MTCL2: variants seen among roughly 807,000 people sequenced by gnomAD.
MTCL2 encodes microtubule cross-linking factor 2.
the MTCL2 span, among the ~76,000 whole-genome samples, chr20:36,803,477 AC>A: frequency 6.6e-6 from 1 of 151,188 alleles, no homozygotes; most frequent in South Asian, 2.1e-4. Context: ...CCCCCCATTA[AC>A]CCCCATGAGC....
At chr20:36,814,152 G>A in the MTCL2 span, among the ~76,000 whole-genome samples, 1 of 152,020 alleles carries the variant, frequency 6.6e-6, no homozygotes, top group Non-Finnish European at 1.5e-5. Context: ...GATATTTTGG[G>A]TGACTCTGCC....
At chr20:36,799,446 C>T in the MTCL2 span, among the ~76,000 whole-genome samples, 1 of 151,760 alleles carries the variant, frequency 6.6e-6, no homozygotes, top group African/African-American at 2.4e-5. Context: ...GAGCCAAGAT[C>T]GCGCCATTGC....
At chr20:36,777,573 T>C in the MTCL2 span, 2 of 423,376 alleles carry the variant, frequency 4.7e-6, no homozygotes, top group Non-Finnish European at 8.3e-6. Flanking sequence ...TGGACTGCAG[T>C]TGTCCTAGCA....
the MTCL2 span, among the ~76,000 whole-genome samples, chr20:36,844,702 A>G: frequency 2.0e-5 from 3 of 149,522 alleles, no homozygotes; most frequent in Non-Finnish European, 1.5e-5. Flanking sequence ...AAAGTAAAAC[A>G]TGATCATAGA....
the MTCL2 span, chr20:36,802,776 G>A: frequency 6.8e-7 from 1 of 1,480,948 alleles, no homozygotes; most frequent in East Asian, 2.4e-5. Context: ...AGCTATACCT[G>A]AAGGAGTTCC....
At chr20:36,783,646 G>T in the MTCL2 span, 1 of 447,806 alleles carries the variant, frequency 2.2e-6, no homozygotes, top group Non-Finnish European at 3.0e-6. Context: ...GAACGGGTTC[G>T]AGAAGGGCAG....
At chr20:36,783,686 G>A in the MTCL2 span, 1 of 861,962 alleles carries the variant, frequency 1.2e-6, no homozygotes, top group Non-Finnish European at 1.4e-6. Flanking sequence ...AATTCTCCAG[G>A]GAATCCCCAC....
chr20:36,786,570 A>G, the MTCL2 span: 5 of 1,551,124 alleles, frequency 3.2e-6, no homozygotes, highest in Non-Finnish European at 4.4e-6. Context: ...AGAGTGGCGG[A>G]TGGCAGAGCG....
chr20:36,785,851 T>C, the MTCL2 span: 1 of 985,740 alleles, frequency 1.0e-6, no homozygotes, highest in South Asian at 4.7e-5. Flanking sequence ...GGCAGGGAGA[T>C]CCAGGGCTCC....
the MTCL2 span, chr20:36,829,216 T>C: frequency 5.6e-6 from 9 of 1,606,274 alleles, no homozygotes; most frequent in Non-Finnish European, 7.6e-6. Context: ...TAGAGACCTG[T>C]GCAGGGGTGG....
At chr20:36,854,165 C>T in the MTCL2 span, among the ~76,000 whole-genome samples, 1 of 152,148 alleles carries the variant, frequency 6.6e-6, no homozygotes, top group African/African-American at 2.4e-5. Flanking sequence ...CCCAGTCTTG[C>T]CTCTTGCCAC....
the MTCL2 span, chr20:36,863,410 G>T: frequency 9.1e-7 from 1 of 1,102,142 alleles, no homozygotes; most frequent in Non-Finnish European, 1.1e-6. The surrounding 1 kb of genome is among the most constrained non-coding windows in gnomAD (Gnocchi z 6.2). Flanking sequence ...CGACGTCCCT[G>T]GGGAGGGACC....
At chr20:36,853,240 T>C in the MTCL2 span, among the ~76,000 whole-genome samples, 1 of 152,020 alleles carries the variant, frequency 6.6e-6, no homozygotes, top group Non-Finnish European at 1.5e-5. Flanking sequence ...GCCTCTCCAA[T>C]GCCAAGAAAT....
the MTCL2 span, among the ~76,000 whole-genome samples, chr20:36,822,060 C>T: frequency 5.9e-5 from 9 of 152,236 alleles, no homozygotes; most frequent in African/African-American, 1.7e-4. Context: ...TAGGACCTGA[C>T]ACTTCCCCCA....
chr20:36,814,020 A>T, the MTCL2 span, among the ~76,000 whole-genome samples: 3 of 152,070 alleles, frequency 2.0e-5, no homozygotes, highest in African/African-American at 7.2e-5. Flanking sequence ...CATCCCTCTG[A>T]CCTCTGGTCA....
chr20:36,841,874 GGTGTGTGTGTGTGTGTGTGT>G, the MTCL2 span, among the ~76,000 whole-genome samples: 5 of 110,768 alleles, frequency 4.5e-5, no homozygotes, highest in Admixed American at 8.8e-5. Context: ...TGGGGGGTGG[GGTGTGTGTGTGTGTGTGTGT>G]GTGTGTGTGT....
At chr20:36,831,767 G>A in the MTCL2 span, among the ~76,000 whole-genome samples, 1 of 152,198 alleles carries the variant, frequency 6.6e-6, no homozygotes, top group Non-Finnish European at 1.5e-5. Context: ...CTCAGTATCA[G>A]AACAAGGGCT....
chr20:36,854,596 C>T, the MTCL2 span, among the ~76,000 whole-genome samples: 1 of 152,110 alleles, frequency 6.6e-6, no homozygotes, highest in Admixed American at 6.5e-5. Context: ...CAGGACCACA[C>T]AGGCTGCTCC....
chr20:36,854,235 T>C, the MTCL2 span, among the ~76,000 whole-genome samples: 1 of 152,088 alleles, frequency 6.6e-6, no homozygotes, highest in Non-Finnish European at 1.5e-5. Flanking sequence ...GTTTCTCCCT[T>C]TGTAAAAGGA....
Sources: allele counts gnomAD v4.1 joint callset (sites outside exome capture counted in the v4.1 genomes callset), GRCh38; gene constraint gnomAD v4.1.1; non-coding constraint Gnocchi (gnomAD v3.1); transcripts MANE v1.5; gene names NCBI Gene and HGNC (gene_info 2026-07-23, HGNC 2026-07-21).